SAE1: variants seen among roughly 807,000 people sequenced by gnomAD.
The protein encoded by SAE1 is SUMO1 activating enzyme subunit 1, also known as SUMO-activating enzyme subunit 1.
SAE1 carries 11 observed loss-of-function variants against 40.6 expected under a neutral mutation model. That is an observed-to-expected ratio of 0.27 (90% CI 0.17 to 0.45). The LOEUF (loss-of-function observed/expected upper bound fraction) is 0.45. Ranked by LOEUF, SAE1 falls within the 20% of genes least tolerant of loss-of-function variation. The pLI is 1.00. For missense variants in SAE1, 373 were observed against 427.3 expected (o/e 0.87, Z 1.12); for synonymous variants, 155 against 154.3 (o/e 1.00, Z -0.03).
chr19:47,174,553 C>T (rs1248205508), intron 6 of SAE1, among the ~76,000 whole-genome samples: 20 of 147,878 alleles, frequency 1.4e-4, no homozygotes, highest in Non-Finnish European at 2.8e-4. Context: ...TATGTCACCA[C>T]GCCTGGCAAA....
At chr19:47,169,693 C>G (rs1400433686) in intron 5 of SAE1, 125 bp from the exon 6 acceptor site, 1 of 712,718 alleles carries the variant, frequency 1.4e-6, no homozygotes, top group Non-Finnish European at 2.5e-6. Flanking sequence ...TCAAATGGCC[C>G]CTGCTTCTTT....
rs1434372728 is a variant in SAE1 at position 47,143,590 on chromosome 19, G to A, written c.195G>A (p.Met65Ile). 1.2e-6 allele frequency: 2 copies of A among 1,613,426 alleles called. No homozygotes were observed. Among genetic ancestry groups the A allele is most frequent in the East Asian group, 2.2e-5 (1 of 44,886 alleles). ...TGGCAGGAGTGAAAGGACTGACCATGCTGGATCACGAACAGGTGCGCTGTT... is the reference window on the plus strand; with the variant it reads ...TGGCAGGAGTGAAAGGACTGACCATACTGGATCACGAACAGGTGCGCTGTT... ...LILAGVKGLT[M>I]LDHEQVTPED... The change falls in exon 2 of 9, where the codon ATG (methionine) becomes ATA (isoleucine). Residue 65 changes from methionine (M) to isoleucine (I), a missense_variant. Transcript: ENST00000270225.
chr19:47,189,151 GTTGGATAAGAGGTAGTACTACCATAC>G (rs1389340121), intron 6 of SAE1, among the ~76,000 whole-genome samples: 1 of 152,206 alleles, frequency 6.6e-6, no homozygotes, highest in African/African-American at 2.4e-5. Flanking sequence ...GAAACAGGCT[GTTGGATAAGAGGTAGTACTACCATAC>G]TTTGCAATTT....
chr19:47,180,389 T>G (rs2058498421), intron 6 of SAE1: 1 of 385,178 alleles, frequency 2.6e-6, no homozygotes, highest in Non-Finnish European at 5.2e-6. Context: ...AGAAGAATAA[T>G]CAATTAATGT....
At chr19:47,175,678 A>G (rs891280694) in intron 6 of SAE1, among the ~76,000 whole-genome samples, 17 of 152,228 alleles carry the variant, frequency 1.1e-4, no homozygotes, top group African/African-American at 4.1e-4. Flanking sequence ...GCAAGGTTGC[A>G]GTGAGCCGAG....
chr19:47,170,376 G>A (rs557235703), intron 6 of SAE1, among the ~76,000 whole-genome samples: 12 of 151,854 alleles, frequency 7.9e-5, no homozygotes, highest in South Asian at 6.2e-4. Context: ...CACTGCGCCC[G>A]GCTAATTTTT....
chr19:47,195,580 C>G (rs1305055445), intron 6 of SAE1, among the ~76,000 whole-genome samples: 1 of 152,026 alleles, frequency 6.6e-6, no homozygotes, highest in Non-Finnish European at 1.5e-5. Context: ...ATGGCTGGCC[C>G]TTCTGGCTAA....
intron 5 of SAE1, among the ~76,000 whole-genome samples, chr19:47,166,462 C>T (rs2058392885): frequency 6.6e-6 from 1 of 152,102 alleles, no homozygotes; most frequent in African/African-American, 2.4e-5. Context: ...ATGTAGACAT[C>T]ATATATGGGT....
At chr19:47,183,875 C>G (rs997851181) in intron 6 of SAE1, among the ~76,000 whole-genome samples, 1 of 152,208 alleles carries the variant, frequency 6.6e-6, no homozygotes, top group Non-Finnish European at 1.5e-5. Flanking sequence ...CTCCCTGCTG[C>G]TTGTGACCAG....
At chr19:47,173,062 T>C (rs78056538) in intron 6 of SAE1, among the ~76,000 whole-genome samples, 1 of 152,104 alleles carries the variant, frequency 6.6e-6, no homozygotes, top group African/African-American at 2.4e-5. Flanking sequence ...AGAGTCTTGC[T>C]CTATCACCCA....
chr19:47,192,100 G>C (rs1389132582), intron 6 of SAE1, among the ~76,000 whole-genome samples: 1 of 151,854 alleles, frequency 6.6e-6, no homozygotes, highest in Non-Finnish European at 1.5e-5. Context: ...ATAGCTTTGG[G>C]AGCACCAAAG....
chr19:47,161,896 G>A (rs1298536478), intron 5 of SAE1, among the ~76,000 whole-genome samples: 1 of 152,200 alleles, frequency 6.6e-6, no homozygotes, highest in African/African-American at 2.4e-5. Flanking sequence ...TTAAGGAGAA[G>A]CAACACGTTT....
chr19:47,140,621 TA>T, intron 1 of SAE1, among the ~76,000 whole-genome samples: 1 of 85,810 alleles, frequency 1.2e-5, no homozygotes, highest in South Asian at 3.1e-4. Flanking sequence ...ACCCTGTGTC[TA>T]CAAAAAAAAA....
intron 5 of SAE1, among the ~76,000 whole-genome samples, chr19:47,165,676 G>A (rs1022782778): frequency 2.0e-5 from 3 of 152,198 alleles, no homozygotes; most frequent in African/African-American, 7.2e-5. Flanking sequence ...CAGTGGAGTG[G>A]GTAAGACAGG....
chr19:47,153,027 C>T lies in SAE1; in HGVS notation c.514C>T (p.His172Tyr), dbSNP rs1286345576. Reference protein sequence around the residue: ...HGYTFANLGEHEFVEEKTKVA... With the variant: ...HGYTFANLGEYEFVEEKTKVA... Reference sequence around the variant, plus strand: ...ATACACATTTGCCAATCTAGGAGAGCATGAGTTTGTAGAGTAAGTGTTGGG... The same window carrying T: ...ATACACATTTGCCAATCTAGGAGAGTATGAGTTTGTAGAGTAAGTGTTGGG... Residue 172 changes from histidine to tyrosine, a missense_variant, in exon 4 of 9, where the codon CAT (histidine) becomes TAT (tyrosine). Transcript: ENST00000270225. 1 of 1,612,022 alleles carries T rather than the reference C, an allele frequency of 6.2e-7. No individual in the cohort carries two copies.
At chr19:47,180,235 C>G (rs1270042042) in intron 6 of SAE1, 1 of 456,242 alleles carries the variant, frequency 2.2e-6, no homozygotes, top group Admixed American at 2.3e-5. Context: ...AATACCTTTC[C>G]TCACTAAAGA....
At chr19:47,195,897 AT>A (rs781205345) in intron 6 of SAE1, among the ~76,000 whole-genome samples, 1,786 of 135,430 alleles carry the variant, frequency 0.013, 28 homozygotes, top group African/African-American at 0.016. Context: ...ACTTGGCTAA[AT>A]TTTTTTTTTT....
At position 47,209,370 on chromosome 19, in the gene SAE1, A is replaced by G; in HGVS notation, c.*119A>G. ...AAACTGAAGTCATTGGCCCGATACAAAACATTTCCTGCAACGAAGGAGGTG... is the reference window on the plus strand; with the variant it reads ...AAACTGAAGTCATTGGCCCGATACAGAACATTTCCTGCAACGAAGGAGGTG... On this transcript the variant is annotated 3_prime_UTR_variant, in exon 9 of 9. Transcript: ENST00000270225. 2.6e-6 allele frequency: 4 copies of G among 1,549,938 alleles called. No homozygotes were observed. The highest frequency in any genetic ancestry group is 3.5e-6 in the Non-Finnish European group (4 of 1,139,178).
At chr19:47,136,079 T>C (rs1165455895) in intron 1 of SAE1, among the ~76,000 whole-genome samples, 2 of 151,998 alleles carry the variant, frequency 1.3e-5, no homozygotes, top group African/African-American at 4.8e-5. Flanking sequence ...TTGATAGACA[T>C]ATGGGTTGCT....
Sources: gnomAD v4.1 joint callset for allele counts (sites outside exome capture counted in the v4.1 genomes callset) on GRCh38, gnomAD v4.1.1 for gene constraint, MANE v1.5 for transcripts, NCBI Gene and HGNC (gene_info 2026-07-23, HGNC 2026-07-21) for gene names.